RIMS2: variants seen among roughly 807,000 people sequenced by gnomAD.
RIMS2 encodes the protein regulating synaptic membrane exocytosis 2, also known as regulating synaptic membrane exocytosis protein 2.
RIMS2 carries 59 observed loss-of-function variants against 174.4 expected under a neutral mutation model. The ratio of observed to expected loss-of-function variants is 0.34; its 90% CI spans 0.27 to 0.42. RIMS2 has a LOEUF of 0.42. Among genes scored for constraint, RIMS2 ranks in the 10% least tolerant of loss-of-function variants. RIMS2 has a pLI of 1.00. For missense variants in RIMS2, 1,620 were observed against 1,666.3 expected, an observed-to-expected ratio of 0.97 and a Z score of 0.48; for synonymous variants, 606 against 572.5, an observed-to-expected ratio of 1.06 and a Z score of -0.84.
chr8:103,599,225 A>G (rs968554332), intron 1 of RIMS2, among the ~76,000 whole-genome samples: 4 of 151,678 alleles, frequency 2.6e-5, no homozygotes, highest in African/African-American at 9.7e-5. Context: ...AATACAAATG[A>G]ATATTTGTAT....
chr8:103,770,727 T>A (rs951546203), intron 3 of RIMS2, among the ~76,000 whole-genome samples: 1 of 87,942 alleles, frequency 1.1e-5, no homozygotes, highest in Non-Finnish European at 2.7e-5. Flanking sequence ...ATTAAACCTA[T>A]TTTTTTTTTG....
At chr8:103,558,638 T>C (rs1018109242) in intron 1 of RIMS2, among the ~76,000 whole-genome samples, 1 of 152,156 alleles carries the variant, frequency 6.6e-6, no homozygotes, top group Non-Finnish European at 1.5e-5. Context: ...ATAGTTTTTT[T>C]TTTGTCGTTG....
At chr8:104,243,477 G>A (rs1235796635) in intron 19 of RIMS2, among the ~76,000 whole-genome samples, 1 of 152,134 alleles carries the variant, frequency 6.6e-6, no homozygotes, top group Non-Finnish European at 1.5e-5. Context: ...ACAAGGTCAG[G>A]AGTTCAAGAC....
intron 19 of RIMS2, among the ~76,000 whole-genome samples, chr8:104,152,531 A>T (rs970925520): frequency 1.1e-4 from 16 of 151,848 alleles, no homozygotes; most frequent in Admixed American, 2.6e-4. Flanking sequence ...ATTATGCTTT[A>T]TTTTCTTAAG....
chr8:103,958,163 C>G (rs1565527403), intron 14 of RIMS2, among the ~76,000 whole-genome samples: 3 of 152,106 alleles, frequency 2.0e-5, no homozygotes, highest in Non-Finnish European at 4.4e-5. Context: ...AGATGCCCAT[C>G]AATGACAGAT....
intron 14 of RIMS2, among the ~76,000 whole-genome samples, chr8:103,952,737 G>A (rs1366866710): frequency 6.6e-6 from 1 of 152,048 alleles, no homozygotes; most frequent in Non-Finnish European, 1.5e-5. Context: ...TGCCAGCAAG[G>A]GAACTAAACT....
chr8:104,036,745 C>T (rs2096526465), intron 19 of RIMS2, among the ~76,000 whole-genome samples: 2 of 151,684 alleles, frequency 1.3e-5, no homozygotes, highest in Admixed American at 6.6e-5. Context: ...GGTGTGGTGG[C>T]GTGCACCTGT....
At chr8:103,696,989 T>G (rs2097111510) in intron 1 of RIMS2, 97 bp from the exon 4 acceptor site, 2 of 696,836 alleles carry the variant, frequency 2.9e-6, no homozygotes, top group South Asian at 3.5e-5. Flanking sequence ...TCATCTTGTA[T>G]TTTTTTGGTT....
At chr8:104,079,976 A>G (rs1464331884) in intron 19 of RIMS2, among the ~76,000 whole-genome samples, 1 of 152,030 alleles carries the variant, frequency 6.6e-6, no homozygotes, top group Non-Finnish European at 1.5e-5. Context: ...CAATATAAGA[A>G]CAAAATATGA....
At chr8:103,512,191 A>C (rs1826811620) in intron 1 of RIMS2, among the ~76,000 whole-genome samples, 1 of 152,182 alleles carries the variant, frequency 6.6e-6, no homozygotes, top group Non-Finnish European at 1.5e-5. Context: ...AAACACCCAG[A>C]ACCTTGAAGT....
intron 19 of RIMS2, among the ~76,000 whole-genome samples, chr8:104,196,610 T>C (rs1056616222): frequency 6.6e-6 from 1 of 152,134 alleles, no homozygotes; most frequent in African/African-American, 2.4e-5. Context: ...AGAAATATGT[T>C]TGATGATAGT....
In RIMS2 at chr8:104,044,254, G is replaced by A. The variant is rs80140880; in HGVS notation, c.3334+29639G>A. Among the ~76,000 whole-genome samples, 806 of 151,720 alleles carry A rather than the reference G, an allele frequency of 5.3e-3. 5 individuals carry two copies. Among genetic ancestry groups the A allele is most frequent in the Non-Finnish European group, 9.7e-3 (654 of 67,632 alleles). On this transcript the variant is annotated intron_variant, in intron 19 of 23. Coordinates refer to ENST00000504942, the Ensembl canonical transcript of RIMS2. ...AGCAATGCAGAAAGAATTAGAGAAAGAAGCTCAGGATAGTAGGGTTTTGAC... is the reference window on the plus strand; with the variant it reads ...AGCAATGCAGAAAGAATTAGAGAAAAAAGCTCAGGATAGTAGGGTTTTGAC...
chr8:103,989,351 C>A, exon 17 of RIMS2: 1 of 1,613,602 alleles, frequency 6.2e-7, no homozygotes, highest in Non-Finnish European at 8.5e-7. Flanking sequence ...TATGACCGGA[C>A]ATTATAATAC....
intron 2 of RIMS2, among the ~76,000 whole-genome samples, chr8:103,701,221 TA>T (rs1283565278): frequency 6.6e-6 from 1 of 152,118 alleles, no homozygotes; most frequent in Admixed American, 6.5e-5. Flanking sequence ...TTTAAAAAGA[TA>T]TTTTTGCTGA....
At chr8:103,793,195 A>G (rs896374171) in intron 3 of RIMS2, among the ~76,000 whole-genome samples, 1 of 152,188 alleles carries the variant, frequency 6.6e-6, no homozygotes, top group Admixed American at 6.5e-5. Context: ...AAATACTGGT[A>G]AACTGAATCC....
chr8:104,247,811 G>C (rs957846835), intron 20 of RIMS2, among the ~76,000 whole-genome samples: 2 of 152,202 alleles, frequency 1.3e-5, no homozygotes, highest in Non-Finnish European at 2.9e-5. Context: ...TAGGTCTGTG[G>C]CCCAAGGGAG....
At chr8:103,781,135 T>A (rs909150300) in intron 3 of RIMS2, among the ~76,000 whole-genome samples, 1 of 152,190 alleles carries the variant, frequency 6.6e-6, no homozygotes, top group Non-Finnish European at 1.5e-5. Flanking sequence ...CCCCTCTGAT[T>A]TGGCATCTCC....
At chr8:103,697,351 T>C in intron 2 of RIMS2, 55 bp downstream of exon 4, 1 of 1,302,822 alleles carries the variant, frequency 7.7e-7, no homozygotes, top group Non-Finnish European at 1.1e-6. Context: ...TGTTTATCTA[T>C]TCACGTTAGA....
chr8:104,137,847 A>G (rs1264430547), intron 19 of RIMS2, among the ~76,000 whole-genome samples: 2 of 152,014 alleles, frequency 1.3e-5, no homozygotes, highest in Non-Finnish European at 2.9e-5. Context: ...AACTACAGTC[A>G]CCCTGTTGTG....
Sources: gnomAD v4.1 joint callset for allele counts (sites outside exome capture counted in the v4.1 genomes callset) on GRCh38, gnomAD v4.1.1 for gene constraint, MANE v1.5 for transcripts, NCBI Gene and HGNC (gene_info 2026-07-23, HGNC 2026-07-21) for gene names.